Variants in ACTR3 observed in about 807,000 individuals in gnomAD.
ACTR3 encodes the protein actin-related protein 3.
Under a neutral mutation model 56.8 loss-of-function variants are expected in ACTR3, and 12 were observed. The observed-to-expected ratio is 0.21, with a 90% CI of 0.14 to 0.34. The LOEUF (loss-of-function observed/expected upper bound fraction) is 0.34, where lower values mean the gene tolerates loss of function less well. ACTR3 is among the 10% of genes least tolerant of loss of function. The pLI is 1.00. For synonymous variants in ACTR3, 162 were observed against 167.4 expected (o/e 0.97, Z 0.25); for missense variants, 282 against 512.5 (o/e 0.55, Z 4.34).
At chr2:113,922,016 G>C (rs1286117903) in intron 3 of ACTR3, among the ~76,000 whole-genome samples, 1 of 152,202 alleles carries the variant, frequency 6.6e-6, no homozygotes, top group Non-Finnish European at 1.5e-5. Context: ...GTGCTGAGAT[G>C]AGCTAGAGCC....
intron 3 of ACTR3, among the ~76,000 whole-genome samples, 162 bp downstream of exon 3, chr2:113,917,170 TTTTTTTTTTC>T (rs1404658881): frequency 2.0e-5 from 3 of 149,686 alleles, no homozygotes; most frequent in Non-Finnish European, 3.0e-5. Context: ...TTGCTTTAAC[TTTTTTTTTTC>T]TTTTTTTTAA....
At chr2:113,895,085 T>C (rs1323733079) in intron 1 of ACTR3, among the ~76,000 whole-genome samples, 2 of 78,152 alleles carry the variant, frequency 2.6e-5, no homozygotes, top group East Asian at 4.5e-4. Context: ...CCTGCCGATA[T>C]GTGAATGCCT....
intron 1 of ACTR3, chr2:113,904,859 T>C (rs1391061465): frequency 6.6e-6 from 1 of 152,206 alleles, no homozygotes; most frequent in East Asian, 1.9e-4. Flanking sequence ...GAATGGTTAG[T>C]GTCTTTTTGC....
At position 113,959,309 on chromosome 2, in the gene ACTR3, G is replaced by T. The variant is rs1680280371; in HGVS notation, c.*1854G>T. On this transcript the variant is annotated 3_prime_UTR_variant, in exon 12 of 12. Coordinates refer to ENST00000263238, the MANE Select transcript of ACTR3 (RefSeq NM_005721.5). ...TGTTCTGCACTTTGCTTTTATTAAA[G>T]ATCTTTTGATAAAGAACTATATTGA... The T allele has an allele frequency of 1.3e-5, 2 of 151,938 alleles. No individual in the cohort carries two copies. Among genetic ancestry groups the T allele is most frequent in the African/African-American group, 4.8e-5 (2 of 41,404 alleles). The allele number at this position is 151,938 out of a possible 1,614,324, so 9.4% of individuals were successfully genotyped here.
chr2:113,928,609 A>G (rs1169617970), intron 4 of ACTR3, among the ~76,000 whole-genome samples: 4 of 152,162 alleles, frequency 2.6e-5, no homozygotes, highest in South Asian at 2.1e-4. Context: ...TTTTTATACA[A>G]TGGTCCCTGT....
chr2:113,907,697 G>A (rs1035590297), intron 1 of ACTR3, among the ~76,000 whole-genome samples: 5 of 152,004 alleles, frequency 3.3e-5, no homozygotes, highest in African/African-American at 7.3e-5. Flanking sequence ...TGTTGGCCAC[G>A]CACGGTGGCT....
intron 8 of ACTR3, among the ~76,000 whole-genome samples, chr2:113,943,376 T>C (rs974579703): frequency 5.3e-5 from 8 of 152,136 alleles, no homozygotes; most frequent in African/African-American, 1.9e-4. Context: ...GGGATCCAGA[T>C]AGGTATTCAT....
chr2:113,890,274 A>G lies in ACTR3; in HGVS notation c.-6A>G. 7.4e-7 allele frequency: 1 copy of G among 1,346,640 alleles called. No homozygotes were observed. The highest frequency in any genetic ancestry group is 9.8e-7 in the Non-Finnish European group (1 of 1,018,580). The allele number at this position is 1,346,640 out of a possible 1,614,324, so 83.4% of individuals were successfully genotyped here. A position where few individuals can be genotyped will look rare whatever the true frequency, so the allele number is the denominator to read the frequency against. On this transcript the variant is annotated 5_prime_UTR_variant, in exon 1 of 12. Transcript: ENST00000263238. The stretch of plus-strand genomic sequence containing the variant: ...GCGGCAGCAGCAGCAGCAGGCGAGG[A>G]GGAAGATGGCGGGACGGCTGCCGGC...
intron 2 of ACTR3, among the ~76,000 whole-genome samples, chr2:113,914,674 A>G (rs560115460): frequency 6.6e-6 from 1 of 151,904 alleles, no homozygotes; most frequent in Non-Finnish European, 1.5e-5. Flanking sequence ...AATTGCACCT[A>G]AAAGGGGAAA....
chr2:113,940,838 A>G (rs1304340481), intron 7 of ACTR3, among the ~76,000 whole-genome samples: 2 of 96,542 alleles, frequency 2.1e-5, no homozygotes, highest in Admixed American at 1.2e-4. Flanking sequence ...TTTTTTTTGT[A>G]GAGATGGGAT....
chr2:113,940,765 T>G (rs937098599), intron 7 of ACTR3, among the ~76,000 whole-genome samples: 2 of 151,648 alleles, frequency 1.3e-5, no homozygotes, highest in Admixed American at 6.6e-5. Flanking sequence ...TCCATGGTTT[T>G]TTTTTTTTTA....
chr2:113,913,115 G>A (rs1679338535), intron 1 of ACTR3, 57 bp from the exon 2 acceptor site: 1 of 1,173,316 alleles, frequency 8.5e-7, no homozygotes, highest in Non-Finnish European at 1.2e-6. Flanking sequence ...TTCTAAGAAA[G>A]AAATGTATAA....
chr2:113,920,973 G>T (rs1289991326), intron 3 of ACTR3, among the ~76,000 whole-genome samples: 1 of 151,978 alleles, frequency 6.6e-6, no homozygotes, highest in Non-Finnish European at 1.5e-5. Context: ...TTTTCCTTTG[G>T]GTATATACCC....
intron 5 of ACTR3, among the ~76,000 whole-genome samples, chr2:113,931,827 A>AT (rs1679728121): frequency 6.7e-6 from 1 of 149,690 alleles, no homozygotes; most frequent in Non-Finnish European, 1.5e-5. Context: ...ACTTCTCTTA[A>AT]TTTGTACGTT....
chr2:113,946,901 A>G (rs1325634536), intron 8 of ACTR3, among the ~76,000 whole-genome samples: 2 of 152,212 alleles, frequency 1.3e-5, no homozygotes, highest in East Asian at 1.9e-4. Context: ...CTCATTCTAT[A>G]TAGAGGATTT....
At chr2:113,890,512 G>T (rs1442737615) in intron 1 of ACTR3, 189 bp downstream of exon 1, 8 of 1,348,116 alleles carry the variant, frequency 5.9e-6, no homozygotes. Flanking sequence ...CTCCCTCCTG[G>T]GACTGGGGCG....
intron 11 of ACTR3, 21 bp downstream of exon 11, chr2:113,955,727 T>G: frequency 1.3e-6 from 2 of 1,536,322 alleles, no homozygotes; most frequent in Non-Finnish European, 1.8e-6. Flanking sequence ...TGAAGCTTAC[T>G]TTTATTTTAT....
rs542617570 is a variant in ACTR3, at chr2:113,951,597, A to G, written c.951+26A>G. On this transcript the variant is annotated intron_variant, in intron 9 of 11. Transcript: ENST00000263238. ...GTATTTATAGCAAAATTGTTATTCA[A>G]GGTCTTACTTTAAAAAAACTTAAAC... 113 of 1,586,184 alleles carry G rather than the reference A, an allele frequency of 7.1e-5. No individual in the cohort carries two copies. The African/African-American group carries it at 8.3e-4, about 12-fold the overall frequency.
At chr2:113,938,071 G>A (rs1378107552) in intron 6 of ACTR3, among the ~76,000 whole-genome samples, 1 of 151,446 alleles carries the variant, frequency 6.6e-6, no homozygotes. Context: ...TTATTGCTCT[G>A]TCTTCAAATT....
Sources: allele counts gnomAD v4.1 joint callset (sites outside exome capture counted in the v4.1 genomes callset), GRCh38; gene constraint gnomAD v4.1.1; transcripts MANE v1.5; gene names NCBI Gene and HGNC (gene_info 2026-07-23, HGNC 2026-07-21).